Variants in ZCWPW1 observed in about 807,000 individuals in gnomAD.
ZCWPW1 encodes the protein zinc finger CW-type PWWP domain protein 1.
A neutral mutation model predicts 81.3 loss-of-function variants in ZCWPW1; 56 were observed. The ratio of observed to expected loss-of-function variants is 0.69; its 90% CI spans 0.56 to 0.86. The LOEUF (loss-of-function observed/expected upper bound fraction) is 0.86, where lower values mean the gene tolerates loss of function less well. ZCWPW1 is among the 40% of genes least tolerant of loss of function. ZCWPW1 has a pLI of 0.00. For missense variants in ZCWPW1, 650 were observed against 769.8 expected, an observed-to-expected ratio of 0.84 and a Z score of 1.84; for synonymous variants, 250 against 273.7, an observed-to-expected ratio of 0.91 and a Z score of 0.86.
chr7:100,417,248 A>G, intron 5 of ZCWPW1, 65 bp from the exon 6 acceptor site: 1 of 1,279,936 alleles, frequency 7.8e-7, no homozygotes, highest in Non-Finnish European at 1.1e-6. Context: ...ATTACTCCCT[A>G]ACATTTTCTC....
intron 15 of ZCWPW1, 45 bp from the exon 16 acceptor site, chr7:100,402,621 CCTAA>C (rs767800874): frequency 6.9e-6 from 11 of 1,585,970 alleles, no homozygotes; most frequent in South Asian, 2.2e-5. Flanking sequence ...AATCAAGGCC[CCTAA>C]CTGTTTTTAA....
At chr7:100,407,673 G>A (rs1162966262) in intron 10 of ZCWPW1, among the ~76,000 whole-genome samples, 2 of 152,148 alleles carry the variant, frequency 1.3e-5, no homozygotes, top group Non-Finnish European at 2.9e-5. Flanking sequence ...GATTACAAGC[G>A]TGAGTCACTG....
intron 11 of ZCWPW1, among the ~76,000 whole-genome samples, 154 bp from the exon 12 acceptor site, chr7:100,406,952 T>C (rs571618234): frequency 6.6e-6 from 1 of 152,304 alleles, no homozygotes; most frequent in East Asian, 1.9e-4. Context: ...CCTACCCTCG[T>C]TGCAATTGTT....
chr7:100,420,843 T>G (rs1563147791), intron 2 of ZCWPW1, among the ~76,000 whole-genome samples, 165 bp from the exon 3 acceptor site: 2 of 152,216 alleles, frequency 1.3e-5, no homozygotes, highest in Non-Finnish European at 2.9e-5. Context: ...AATGAGTTAC[T>G]GTTTTAAAGA....
At chr7:100,416,871 A>G (rs1258388272) in intron 6 of ZCWPW1, among the ~76,000 whole-genome samples, 195 bp downstream of exon 6, 1 of 151,552 alleles carries the variant, frequency 6.6e-6, no homozygotes, top group Non-Finnish European at 1.5e-5. Flanking sequence ...GCTTGAACCC[A>G]GGAGGCAGAG....
At chr7:100,408,077 AGTAGCT>A (rs1283059065) in intron 10 of ZCWPW1, among the ~76,000 whole-genome samples, 1 of 152,108 alleles carries the variant, frequency 6.6e-6, no homozygotes, top group Non-Finnish European at 1.5e-5. Context: ...CAGCGTCCTG[AGTAGCT>A]GGGACTACAG....
chr7:100,421,105 G>A (rs948899644), intron 2 of ZCWPW1, among the ~76,000 whole-genome samples: 1 of 152,212 alleles, frequency 6.6e-6, no homozygotes, highest in African/African-American at 2.4e-5. Context: ...AGCCAAAATT[G>A]TGCCCCAGCA....
chr7:100,401,769 A>G, intron 17 of ZCWPW1, 120 bp downstream of exon 17: 1 of 1,332,822 alleles, frequency 7.5e-7, no homozygotes, highest in Non-Finnish European at 1.0e-6. Flanking sequence ...CTTTCATTCT[A>G]ATTTTCATTC....
intron 8 of ZCWPW1, among the ~76,000 whole-genome samples, chr7:100,410,316 C>G (rs1386664578): frequency 6.6e-6 from 1 of 152,144 alleles, no homozygotes; most frequent in Non-Finnish European, 1.5e-5. Context: ...CTTTCTGAAG[C>G]CTGGAGACCC....
At chr7:100,403,557 C>T in intron 15 of ZCWPW1, 137 bp downstream of exon 15, 1 of 495,074 alleles carries the variant, frequency 2.0e-6, no homozygotes, top group Middle Eastern at 7.5e-4. Context: ...GGTGTGGTGG[C>T]TCATGCCTGT....
intron 5 of ZCWPW1, among the ~76,000 whole-genome samples, chr7:100,418,033 C>T (rs540269064): frequency 4.6e-5 from 7 of 151,974 alleles, no homozygotes; most frequent in Non-Finnish European, 7.4e-5. Context: ...TAGAGGTGCA[C>T]GCCACCACGC....
intron 1 of ZCWPW1, among the ~76,000 whole-genome samples, chr7:100,427,987 G>C (rs1462813974): frequency 6.6e-6 from 1 of 150,902 alleles, no homozygotes; most frequent in African/African-American, 2.4e-5. Context: ...GTTGGTGCCC[G>C]CCAGGAGACT....
Position 100,420,676 on chromosome 7 carries a change from C to T in ZCWPW1, c.-27G>A, listed in dbSNP as rs1796190759. The T allele has an allele frequency of 6.2e-7, 1 of 1,613,456 alleles. No homozygotes were observed. The highest frequency in any genetic ancestry group is 1.1e-5 in the South Asian group (1 of 91,062). On this transcript the variant is annotated splice_region_variant and 5_prime_UTR_variant, in exon 3 of 18. Transcript: ENST00000684423. Reference sequence around the variant, plus strand: ...CAGCTTAGAAACTACGCTTTGTGTGCCTCTGTTAGAAAAAAGAAATTAACT... The same window carrying T: ...CAGCTTAGAAACTACGCTTTGTGTGTCTCTGTTAGAAAAAAGAAATTAACT...
intron 8 of ZCWPW1, among the ~76,000 whole-genome samples, chr7:100,415,330 C>G (rs2130716335): frequency 6.6e-6 from 1 of 152,060 alleles, no homozygotes; most frequent in African/African-American, 2.4e-5. Context: ...ATCCACCCAC[C>G]TCGGCATCCC....
At chr7:100,419,934 G>A in intron 3 of ZCWPW1, 51 bp from the exon 4 acceptor site, 1 of 1,430,926 alleles carries the variant, frequency 7.0e-7, no homozygotes, top group Non-Finnish European at 9.5e-7. Flanking sequence ...GTCTAACAGA[G>A]ATTGCCAAAC....
intron 8 of ZCWPW1, among the ~76,000 whole-genome samples, chr7:100,411,028 T>C (rs889746618): frequency 5.3e-5 from 8 of 152,316 alleles, no homozygotes; most frequent in Middle Eastern, 3.4e-3. Context: ...ACTCAAGCAA[T>C]TGAGTTGACA....
At chr7:100,410,010 C>T (rs1173007616) in intron 8 of ZCWPW1, among the ~76,000 whole-genome samples, 1 of 152,204 alleles carries the variant, frequency 6.6e-6, no homozygotes, top group Non-Finnish European at 1.5e-5. Context: ...ATTTACCTGT[C>T]ACCAAATCAC....
At position 100,401,173 on chromosome 7, in the gene ZCWPW1, G is replaced by A. The variant is rs1266575696; in HGVS notation, c.1791C>T (p.Thr597=). The A allele has an allele frequency of 1.2e-6, 2 of 1,614,236 alleles. No homozygotes were observed. The highest frequency in any genetic ancestry group is 1.1e-5 in the South Asian group (1 of 91,090). Residue 597 remains threonine (T), a synonymous_variant, in exon 18 of 18, where the codon ACC becomes ACT. Transcript: ENST00000684423. ...CAAGGGGGACACTTCCAGCCTCCTG[G>A]GTCAGGGGTTCCCGGTGTCTGGGCT... ...KEEPRHREPL[T]QEAGSVPLED...
At position 100,417,909 on chromosome 7, in the gene ZCWPW1, G is replaced by C. The variant is rs536145586; in HGVS notation, c.362-726C>G. The stretch of plus-strand genomic sequence containing the variant: ...TGTTTTTTGGTTTTTTTTTGAGACA[G>C]AGTCTTGCTCTGTCGCCCAGGCTGG... On this transcript the variant is annotated intron_variant, in intron 5 of 17. Coordinates refer to ENST00000684423, the MANE Select transcript of ZCWPW1 (RefSeq NM_001386010.1). Among the ~76,000 whole-genome samples the C allele has an allele frequency of 5.3e-5, 8 of 151,784 alleles. No homozygotes were observed. The East Asian group carries it at 1.2e-3, about 22-fold the overall frequency.
Sources: gnomAD v4.1 joint callset for allele counts (sites outside exome capture counted in the v4.1 genomes callset) on GRCh38, gnomAD v4.1.1 for gene constraint, MANE v1.5 for transcripts, NCBI Gene and HGNC (gene_info 2026-07-23, HGNC 2026-07-21) for gene names.